PDE10A: variants seen among roughly 807,000 people sequenced by gnomAD.
The protein encoded by PDE10A is cAMP and cAMP-inhibited cGMP 3',5'-cyclic phosphodiesterase 10A.
A neutral mutation model predicts 97.7 loss-of-function variants in PDE10A; 39 were observed. That is an observed-to-expected ratio of 0.40 (90% CI 0.31 to 0.52). PDE10A has a LOEUF of 0.52. Among genes scored for constraint, PDE10A ranks in the 20% least tolerant of loss-of-function variants. PDE10A has a pLI of 0.56. For synonymous variants in PDE10A, 371 were observed against 376.8 expected, an observed-to-expected ratio of 0.98 and a Z score of 0.18; for missense variants, 731 against 1,047.8, an observed-to-expected ratio of 0.70 and a Z score of 4.17.
chr6:165,484,319 C>T lies in PDE10A; in HGVS notation c.995-1976G>A, dbSNP rs1309712066. Among the ~76,000 whole-genome samples, 5 of 152,290 alleles carry T rather than the reference C, an allele frequency of 3.3e-5. No individual in the cohort carries two copies. The East Asian group carries it at 7.7e-4, about 24-fold the overall frequency. Reference sequence around the variant, plus strand: ...TAGACAGTGGCTTAGAGCAGGAGGCCGGAACTGGGCCACACAGCAGGAGGT... The same window carrying T: ...TAGACAGTGGCTTAGAGCAGGAGGCTGGAACTGGGCCACACAGCAGGAGGT... On this transcript the variant is annotated intron_variant, in intron 2 of 21. Transcript: ENST00000539869.
intron 11 of PDE10A, among the ~76,000 whole-genome samples, chr6:165,417,358 C>T (rs1297384417): frequency 2.6e-5 from 4 of 152,114 alleles, no homozygotes; most frequent in Non-Finnish European, 5.9e-5. Context: ...TGAACTATAA[C>T]TTTTGTTCAT....
chr6:165,854,474 C>A (rs2128475362), intron 1 of PDE10A, among the ~76,000 whole-genome samples: 1 of 152,182 alleles, frequency 6.6e-6, no homozygotes, highest in East Asian at 1.9e-4. Context: ...AGGACGTCCC[C>A]CGGTGTCCAC....
chr6:165,428,840 C>T (rs1789349319), intron 9 of PDE10A, 131 bp from the exon 10 acceptor site: 2 of 503,004 alleles, frequency 4.0e-6, no homozygotes, highest in Non-Finnish European at 7.0e-6. Flanking sequence ...TTTGATTTTT[C>T]TGCTTTGGCA....
chr6:165,606,362 C>A (rs1787209953), intron 1 of PDE10A, among the ~76,000 whole-genome samples: 2 of 152,102 alleles, frequency 1.3e-5, no homozygotes, highest in Non-Finnish European at 2.9e-5. Context: ...TTGTTTTTCA[C>A]TCACTGTCCA....
intron 1 of PDE10A, among the ~76,000 whole-genome samples, chr6:165,782,372 A>G (rs991313097): frequency 6.6e-6 from 1 of 152,188 alleles, no homozygotes; most frequent in African/African-American, 2.4e-5. Flanking sequence ...TTATTGGGCC[A>G]TCTTCACCGT....
At chr6:165,728,305 T>G (rs1038602588) in intron 1 of PDE10A, among the ~76,000 whole-genome samples, 1 of 152,164 alleles carries the variant, frequency 6.6e-6, no homozygotes, top group Non-Finnish European at 1.5e-5. Context: ...ACCAGAAACA[T>G]GCAAATCATC....
At position 165,399,387 on chromosome 6, in the gene PDE10A, G is replaced by C. The variant is rs539891348; in HGVS notation, c.2077-2928C>G. ...TAGCCAAAATAACTCTGAAAACAAAGAATAAAGGTAAAGAAATTATACTGC... is the reference window on the plus strand; with the variant it reads ...TAGCCAAAATAACTCTGAAAACAAACAATAAAGGTAAAGAAATTATACTGC... On this transcript the variant is annotated intron_variant, in intron 13 of 21. Transcript: ENST00000539869. Among the ~76,000 whole-genome samples the C allele has an allele frequency of 1.1e-4, 17 of 152,202 alleles. No individual in the cohort carries two copies. In the East Asian group the frequency reaches 3.1e-3, roughly 28 times the overall value.
chr6:165,581,573 T>C (rs1487761105), intron 1 of PDE10A, among the ~76,000 whole-genome samples: 1 of 152,198 alleles, frequency 6.6e-6, no homozygotes, highest in Non-Finnish European at 1.5e-5. Context: ...AAATAAATGT[T>C]TAAAAGTCAC....
intron 17 of PDE10A, among the ~76,000 whole-genome samples, chr6:165,382,941 G>A (rs1448312289): frequency 1.3e-5 from 2 of 152,136 alleles, no homozygotes; most frequent in Non-Finnish European, 2.9e-5. Context: ...AGTACAGGTA[G>A]TGTTGAATAT....
intron 2 of PDE10A, among the ~76,000 whole-genome samples, chr6:165,502,544 TAAA>T (rs1252982079): frequency 6.6e-6 from 1 of 152,108 alleles, no homozygotes; most frequent in East Asian, 1.9e-4. Context: ...CAAATTATAA[TAAA>T]AAGAGATATC....
At chr6:165,734,993 G>GA (rs199552124) in intron 1 of PDE10A, among the ~76,000 whole-genome samples, 1,649 of 145,784 alleles carry the variant, frequency 0.011, 26 homozygotes, top group African/African-American at 0.026. Flanking sequence ...TAGATAGATA[G>GA]TAGGTAGGTA....
At chr6:165,877,452 T>C (rs1365467459) in intron 1 of PDE10A, among the ~76,000 whole-genome samples, 2 of 152,232 alleles carry the variant, frequency 1.3e-5, no homozygotes, top group Non-Finnish European at 2.9e-5. Context: ...CACAGGTCTA[T>C]AGGTCAGCCT....
intron 1 of PDE10A, among the ~76,000 whole-genome samples, chr6:165,730,977 C>G (rs568921001): frequency 2.0e-5 from 3 of 150,684 alleles, no homozygotes; most frequent in African/African-American, 7.3e-5. Flanking sequence ...ACCAGGGAGG[C>G]GGAGGTTGCA....
At chr6:165,619,891 T>C (rs1788042715) in intron 1 of PDE10A, among the ~76,000 whole-genome samples, 1 of 152,122 alleles carries the variant, frequency 6.6e-6, no homozygotes, top group African/African-American at 2.4e-5. Flanking sequence ...TTATAATGGC[T>C]ACATGATCGG....
At chr6:165,555,317 T>TA (rs1784201850) in intron 1 of PDE10A, among the ~76,000 whole-genome samples, 1 of 152,042 alleles carries the variant, frequency 6.6e-6, no homozygotes, top group African/African-American at 2.4e-5. Flanking sequence ...ACAACATTTT[T>TA]AAAAAATAAT....
rs1781737242 is a variant in PDE10A at position 165,889,925 on chromosome 6, ACTCCTCCCTCACTCCTCCCTCC to A, written c.-615+97582_-615+97603del. ...CTCCCTCCTCCCTCCCTCACTCCTC[ACTCCTCCCTCACTCCTCCCTCC>A]CTCCTCCCTCCCTCACTCCTCACTC... On this transcript the variant is annotated intron_variant, in intron 1 of 19. Transcript: ENST00000366882. 1.2e-3 allele frequency among the ~76,000 whole-genome samples: 6 copies of A among 5,006 alleles called. No individual in the cohort carries two copies. In the South Asian group the frequency reaches 0.041, roughly 34 times the overall value. The allele number at this position is 5,006 out of a possible 152,430, so 3.3% of individuals were successfully genotyped here. A position where few individuals can be genotyped will look rare whatever the true frequency, so the allele number is the denominator to read the frequency against.
rs754785176 is a variant in PDE10A at position 165,924,542 on chromosome 6, C to T, written c.-615+62987G>A. ...AGATCTCCCTCTGTGGTACAATTCG[C>T]AGTTTCCTAGTGGGACAGAAGATCT... On this transcript the variant is annotated intron_variant, in intron 1 of 19. Transcript: ENST00000366882. Among the ~76,000 whole-genome samples the T allele has an allele frequency of 2.6e-5, 4 of 151,984 alleles. No homozygotes were observed. The South Asian group carries it at 8.3e-4, about 32-fold the overall frequency.
At chr6:165,676,454 G>A (rs192303085) in intron 1 of PDE10A, among the ~76,000 whole-genome samples, 11 of 152,216 alleles carry the variant, frequency 7.2e-5, no homozygotes, top group South Asian at 2.1e-4. Context: ...GACAGGTGCC[G>A]CAGAGGAAGA....
At chr6:165,865,141 C>T (rs1781005422) in intron 1 of PDE10A, among the ~76,000 whole-genome samples, 1 of 152,202 alleles carries the variant, frequency 6.6e-6, no homozygotes. Context: ...ACAGTCTCCA[C>T]TAACAACCAC....
Sources: allele counts gnomAD v4.1 joint callset (sites outside exome capture counted in the v4.1 genomes callset), GRCh38; gene constraint gnomAD v4.1.1; transcripts MANE v1.5; gene names NCBI Gene and HGNC (gene_info 2026-07-23, HGNC 2026-07-21).